The following MED27 variants were observed in gnomAD, a reference collection of about 807,000 sequenced individuals.
The protein encoded by MED27 is mediator complex subunit 27, also known as mediator of RNA polymerase II transcription subunit 27.
In MED27, 30 loss-of-function variants were observed where a neutral mutation model predicts 38.2. That is an observed-to-expected ratio of 0.79 (90% CI 0.59 to 1.07). MED27 has a LOEUF of 1.07. Ranked by LOEUF, MED27 falls within the 50% of genes least tolerant of loss-of-function variation. The pLI is 0.00. For missense variants in MED27, 289 were observed against 397.5 expected (o/e 0.73, Z 2.32); for synonymous variants, 122 against 153.5 (o/e 0.79, Z 1.52).
chr9:131,870,471 C>G (rs536100695), intron 6 of MED27, among the ~76,000 whole-genome samples: 7 of 152,218 alleles, frequency 4.6e-5, no homozygotes, highest in African/African-American at 1.7e-4. Flanking sequence ...GGTACTCTCA[C>G]GTTTGGGACT....
intron 4 of MED27, among the ~76,000 whole-genome samples, chr9:131,897,344 A>G (rs1045794844): frequency 1.3e-5 from 2 of 152,274 alleles, no homozygotes; most frequent in African/African-American, 4.8e-5. Context: ...ATAATCTGCC[A>G]AACTGCTAAC....
At chr9:132,045,212 T>A (rs924867907) in intron 2 of MED27, among the ~76,000 whole-genome samples, 1 of 152,150 alleles carries the variant, frequency 6.6e-6, no homozygotes, top group African/African-American at 2.4e-5. Context: ...TATGCCAAGA[T>A]AGATACTCAA....
chr9:132,037,776 G>A (rs972716211), intron 2 of MED27, among the ~76,000 whole-genome samples: 1 of 152,112 alleles, frequency 6.6e-6, no homozygotes, highest in Non-Finnish European at 1.5e-5. Flanking sequence ...GGCTTTCACC[G>A]GGCAGCTGTA....
chr9:131,940,546 G>A (rs1830767939), intron 3 of MED27, among the ~76,000 whole-genome samples: 1 of 152,080 alleles, frequency 6.6e-6, no homozygotes, highest in Non-Finnish European at 1.5e-5. Flanking sequence ...CTCCCAGGTA[G>A]CTGGGATTAC....
At chr9:132,013,318 C>T (rs752231406) in intron 3 of MED27, among the ~76,000 whole-genome samples, 6 of 152,034 alleles carry the variant, frequency 3.9e-5, no homozygotes, top group Non-Finnish European at 8.8e-5. Context: ...GAAGCTCATA[C>T]AAAAAAATGA....
chr9:131,914,450 G>A (rs997630982), intron 4 of MED27, among the ~76,000 whole-genome samples: 1 of 152,190 alleles, frequency 6.6e-6, no homozygotes, highest in Non-Finnish European at 1.5e-5. Flanking sequence ...GTAAAATGGT[G>A]CATTCCTATC....
At chr9:131,928,222 A>G (rs1427633267) in intron 4 of MED27, among the ~76,000 whole-genome samples, 2 of 152,018 alleles carry the variant, frequency 1.3e-5, no homozygotes, top group Admixed American at 1.3e-4. Flanking sequence ...ACTGATCACA[A>G]CACCTCCCTG....
intron 6 of MED27, among the ~76,000 whole-genome samples, chr9:131,881,799 TC>T (rs1839048930): frequency 1.6e-5 from 2 of 127,204 alleles, no homozygotes; most frequent in Non-Finnish European, 1.6e-5. Flanking sequence ...TTCTTCTTCT[TC>T]TTTTTTTTTT....
intron 3 of MED27, among the ~76,000 whole-genome samples, chr9:132,008,041 G>A (rs1204562237): frequency 6.6e-6 from 1 of 152,178 alleles, no homozygotes; most frequent in East Asian, 1.9e-4. Context: ...TCGGTTTGCT[G>A]GATATGAACA....
At chr9:131,935,101 G>C (rs1439720486) in intron 4 of MED27, among the ~76,000 whole-genome samples, 1 of 151,982 alleles carries the variant, frequency 6.6e-6, no homozygotes, top group Non-Finnish European at 1.5e-5. Flanking sequence ...AGGATAGTGG[G>C]GATGTTTAAT....
rs189791578 is a variant in MED27, at chr9:131,871,335, T to C, written c.724-8195A>G. ...GATTCCAGGTTTTATGTTGACCAGA[T>C]AGAGGTTTGTTCTGTAGCAGTAAGG... is the stretch of plus-strand genomic sequence containing the variant. On this transcript the variant is annotated intron_variant, in intron 6 of 7. Transcript: ENST00000292035. Among the ~76,000 whole-genome samples the C allele has an allele frequency of 5.3e-5, 8 of 152,328 alleles. No homozygotes were observed. In the East Asian group the frequency reaches 1.2e-3, roughly 22 times the overall value.
intron 2 of MED27, among the ~76,000 whole-genome samples, chr9:132,063,179 C>T (rs1043609744): frequency 1.3e-5 from 2 of 152,196 alleles, no homozygotes; most frequent in South Asian, 2.1e-4. Context: ...AGGCTGCAGA[C>T]AGTGACAATG....
chr9:132,073,924 G>T (rs578200683), intron 2 of MED27, among the ~76,000 whole-genome samples: 107 of 152,232 alleles, frequency 7.0e-4, no homozygotes, highest in African/African-American at 2.5e-3. Context: ...GTAGCCTTCT[G>T]CCATAAACAA....
chr9:131,995,432 A>G (rs1271078063), intron 3 of MED27, among the ~76,000 whole-genome samples: 1 of 152,124 alleles, frequency 6.6e-6, no homozygotes, highest in African/African-American at 2.4e-5. Context: ...AATGACAGAG[A>G]CCATCATCAA....
At chr9:131,973,505 T>G (rs1227663288) in intron 3 of MED27, among the ~76,000 whole-genome samples, 3 of 144,298 alleles carry the variant, frequency 2.1e-5, no homozygotes, top group African/African-American at 7.9e-5. Flanking sequence ...GTCACCAGGC[T>G]GGAGTGCAGT....
intron 4 of MED27, among the ~76,000 whole-genome samples, chr9:131,910,905 C>T (rs1008361598): frequency 1.3e-5 from 2 of 152,116 alleles, no homozygotes; most frequent in Non-Finnish European, 2.9e-5. Context: ...TCCCATCTAT[C>T]CCTCCCCACC....
At chr9:132,057,412 T>A (rs1315432816) in intron 2 of MED27, among the ~76,000 whole-genome samples, 1 of 152,196 alleles carries the variant, frequency 6.6e-6, no homozygotes, top group African/African-American at 2.4e-5. Flanking sequence ...CTTCTATGGG[T>A]AATCACATAT....
chr9:131,959,785 A>C (rs1203406587), intron 3 of MED27, among the ~76,000 whole-genome samples: 1 of 152,200 alleles, frequency 6.6e-6, no homozygotes, highest in Admixed American at 6.5e-5. Flanking sequence ...ATTATGCTTG[A>C]TAGATTTCAG....
intron 3 of MED27, among the ~76,000 whole-genome samples, chr9:131,968,238 C>A (rs1023093232): frequency 1.3e-5 from 2 of 152,146 alleles, no homozygotes; most frequent in Admixed American, 6.5e-5. Context: ...TCTGGAATGC[C>A]AAGGTAGGAG....
Sources: gnomAD v4.1 joint callset for allele counts (sites outside exome capture counted in the v4.1 genomes callset) on GRCh38, gnomAD v4.1.1 for gene constraint, MANE v1.5 for transcripts, NCBI Gene and HGNC (gene_info 2026-07-23, HGNC 2026-07-21) for gene names.